PTK2: variants seen among roughly 807,000 people sequenced by gnomAD.
PTK2 encodes the protein protein tyrosine kinase 2, also known as focal adhesion kinase 1.
A neutral mutation model predicts 150.1 loss-of-function variants in PTK2; 45 were observed. The ratio of observed to expected loss-of-function variants is 0.30; its 90% confidence interval spans 0.24 to 0.38. The LOEUF is 0.38. Ranked by LOEUF, PTK2 falls within the 10% of genes least tolerant of loss-of-function variation. PTK2 has a pLI of 1.00. For missense variants in PTK2, 919 were observed against 1,307.3 expected, an observed-to-expected ratio of 0.70 and a Z score of 4.58; for synonymous variants, 432 against 449.2, an observed-to-expected ratio of 0.96 and a Z score of 0.48.
chr8:140,927,940 G>GAAAAAAAAAAAAAAAAAAAAAAA (rs779534564), intron 1 of PTK2, among the ~76,000 whole-genome samples: 1 of 36,274 alleles, frequency 2.8e-5, no homozygotes, highest in African/African-American at 1.1e-4. Context: ...ATCTCAAAAA[G>GAAAAAAAAAAAAAAAAAAAAAAA]AAAAAAAAAA....
intron 24 of PTK2, among the ~76,000 whole-genome samples, chr8:140,703,262 C>CAA (rs996307779): frequency 1.5e-5 from 2 of 135,330 alleles, no homozygotes; most frequent in African/African-American, 5.4e-5. Context: ...GACTCCGTCT[C>CAA]AAAAAAAAAA....
At chr8:140,901,230 C>A (rs200480008) in intron 2 of PTK2, among the ~76,000 whole-genome samples, 2 of 54,350 alleles carry the variant, frequency 3.7e-5, no homozygotes, top group African/African-American at 7.4e-5. Flanking sequence ...GAAATTACAT[C>A]TCTCTCTCTC....
At chr8:140,734,863 A>T (rs2100051684) in intron 22 of PTK2, 2 of 464,936 alleles carry the variant, frequency 4.3e-6, no homozygotes, top group Non-Finnish European at 8.5e-6. Context: ...GTGAAAACGC[A>T]GTGAGCTGTG....
Position 140,842,131 on chromosome 8 carries a change from CAG to C in PTK2, c.593+4127_593+4128del, listed in dbSNP as rs1363879327. On this transcript the variant is annotated intron_variant, in intron 7 of 31. Coordinates refer to ENST00000522684, the Ensembl canonical transcript of PTK2. ...TTGAATGTGCACACAAGTGTTAAAA[CAG>C]AGAGCTATAAGGATATTTATTAAAA... 2.0e-5 allele frequency among the ~76,000 whole-genome samples: 3 copies of C among 152,012 alleles called. No homozygotes were observed. The East Asian group carries it at 5.8e-4, about 29-fold the overall frequency.
At chr8:140,877,748 C>T (rs1238389149) in intron 4 of PTK2, among the ~76,000 whole-genome samples, 1 of 151,798 alleles carries the variant, frequency 6.6e-6, no homozygotes, top group African/African-American at 2.4e-5. Flanking sequence ...CTATATAACC[C>T]CACCTAAATT....
At position 140,661,460 on chromosome 8, in the gene PTK2, A is replaced by C. The variant is rs536831637; in HGVS notation, c.2947-1782T>G. ...ATGCAAGTGCATGGTGTTGTCACTGACTGTGGAAGCAAACAAGGAAAGCAG... is the reference window on the plus strand; with the variant it reads ...ATGCAAGTGCATGGTGTTGTCACTGCCTGTGGAAGCAAACAAGGAAAGCAG... On this transcript the variant is annotated intron_variant, in intron 31 of 31. Coordinates refer to ENST00000522684, the Ensembl canonical transcript of PTK2. Among the ~76,000 whole-genome samples the C allele has an allele frequency of 3.3e-5, 5 of 152,310 alleles. No homozygotes were observed. In the South Asian group the frequency reaches 6.2e-4, roughly 19 times the overall value.
intron 15 of PTK2, 99 bp from the exon 18 acceptor site, chr8:140,762,487 A>G: frequency 2.2e-6 from 1 of 458,276 alleles, no homozygotes; most frequent in Admixed American, 6.2e-5. Context: ...ATATTTCAAC[A>G]ATACTTAATT....
At chr8:140,996,956 G>C (rs2100198007) in intron 1 of PTK2, among the ~76,000 whole-genome samples, 3 of 152,116 alleles carry the variant, frequency 2.0e-5, no homozygotes, top group African/African-American at 7.2e-5. Context: ...TGATAGATCT[G>C]GGCTAAGTAC....
At chr8:140,835,327 C>T (rs2154603335) in intron 7 of PTK2, among the ~76,000 whole-genome samples, 1 of 152,158 alleles carries the variant, frequency 6.6e-6, no homozygotes, top group South Asian at 2.1e-4. Context: ...GTCTGTTGAC[C>T]CTGTTTAATA....
intron 21 of PTK2, among the ~76,000 whole-genome samples, chr8:140,738,483 T>C (rs2100053831): frequency 6.6e-6 from 1 of 152,284 alleles, no homozygotes; most frequent in Non-Finnish European, 1.5e-5. Flanking sequence ...ATGATGACCT[T>C]GCAGCAGGTG....
intron 23 of PTK2, among the ~76,000 whole-genome samples, chr8:140,712,697 C>T (rs1018807535): frequency 6.6e-6 from 1 of 152,202 alleles, no homozygotes; most frequent in African/African-American, 2.4e-5. Context: ...AATGTTAACA[C>T]ATTTCAGTAA....
At chr8:140,715,025 T>C (rs1211127359) in intron 23 of PTK2, among the ~76,000 whole-genome samples, 1 of 151,720 alleles carries the variant, frequency 6.6e-6, no homozygotes, top group African/African-American at 2.4e-5. Context: ...ACTGAGAAGG[T>C]AAAAACTGCA....
intron 1 of PTK2, among the ~76,000 whole-genome samples, chr8:141,000,240 G>A (rs916405100): frequency 2.6e-5 from 4 of 152,172 alleles, no homozygotes; most frequent in African/African-American, 9.7e-5. Flanking sequence ...GCGGGGAAGA[G>A]GAGAAAACTT....
rs73373525 is a variant in PTK2, at chr8:140,816,865, T to C, written c.867+1412A>G. On this transcript the variant is annotated intron_variant, in intron 10 of 31. Coordinates refer to ENST00000522684, the Ensembl canonical transcript of PTK2. The stretch of plus-strand genomic sequence containing the variant: ...CTGCCAGTGACAATATGAAGTTTCC[T>C]AGCTTTTCTGAAAAGCAATCCAACA... Among the ~76,000 whole-genome samples, 616 of 152,372 alleles carry C rather than the reference T, an allele frequency of 4.0e-3. 9 individuals carry two copies. The highest frequency in any genetic ancestry group is 0.014 in the African/African-American group (590 of 41,590).
chr8:140,922,831 G>A (rs559481570), intron 2 of PTK2, among the ~76,000 whole-genome samples: 1 of 152,300 alleles, frequency 6.6e-6, no homozygotes, highest in East Asian at 1.9e-4. Flanking sequence ...CATCTACGAT[G>A]CCAGGGTCTT....
chr8:140,829,601 A>G (rs62521876), intron 8 of PTK2, among the ~76,000 whole-genome samples: 12,706 of 152,146 alleles, frequency 0.084, 702 homozygotes, highest in Middle Eastern at 0.16. Flanking sequence ...TTTTCTCATA[A>G]TGAGTATCTT....
intron 20 of PTK2, among the ~76,000 whole-genome samples, chr8:140,739,583 A>C (rs1433585034): frequency 2.0e-5 from 3 of 152,240 alleles, no homozygotes; most frequent in African/African-American, 7.2e-5. Flanking sequence ...AGAAATATGT[A>C]CACATATATT....
chr8:140,934,495 T>A (rs1025799719), intron 1 of PTK2: 3 of 152,192 alleles, frequency 2.0e-5, no homozygotes, highest in Admixed American at 6.5e-5. Flanking sequence ...GAAAATACCT[T>A]GACATCATCC....
chr8:140,740,725 C>A (rs2100055186), intron 20 of PTK2, among the ~76,000 whole-genome samples: 1 of 152,172 alleles, frequency 6.6e-6, no homozygotes, highest in Non-Finnish European at 1.5e-5. Context: ...AAGATTGAAG[C>A]TGGATATAAA....
Sources: gnomAD v4.1 joint callset for allele counts (sites outside exome capture counted in the v4.1 genomes callset) on GRCh38, gnomAD v4.1.1 for gene constraint, MANE v1.5 for transcripts, NCBI Gene and HGNC (gene_info 2026-07-23, HGNC 2026-07-21) for gene names.